LHCGR: variants seen among roughly 807,000 people sequenced by gnomAD.
LHCGR encodes the protein luteinizing hormone/choriogonadotropin receptor, also known as lutropin-choriogonadotropic hormone receptor.
Under a neutral mutation model 60.7 loss-of-function variants are expected in LHCGR, and 55 were observed. The observed-to-expected ratio is 0.91, with a 90% CI of 0.73 to 1.13. The LOEUF (loss-of-function observed/expected upper bound fraction) is 1.13, where lower values mean the gene tolerates loss of function less well. LHCGR is among the 50% of genes most tolerant of loss of function. The probability of loss-of-function intolerance (pLI) is 0.00; values close to 1 mark genes in which losing one functional copy is unlikely to be tolerated. For synonymous variants in LHCGR, 337 were observed against 316.5 expected (o/e 1.06, Z -0.69); for missense variants, 862 against 836.0 (o/e 1.03, Z -0.38).
At chr2:48,731,355 A>T (rs1668976103) in intron 1 of LHCGR, 57 bp from the exon 2 acceptor site, 2 of 1,234,886 alleles carry the variant, frequency 1.6e-6, no homozygotes, top group Non-Finnish European at 2.4e-6. Flanking sequence ...GTGCCTTTTA[A>T]GTTCATGAAT....
chr2:48,735,131 C>A (rs1401005337), intron 1 of LHCGR, among the ~76,000 whole-genome samples: 2 of 152,230 alleles, frequency 1.3e-5, no homozygotes, highest in African/African-American at 2.4e-5. Flanking sequence ...ATTACAAAGT[C>A]TGCGTTAGCT....
At chr2:48,703,449 A>C (rs191640673) in intron 8 of LHCGR, among the ~76,000 whole-genome samples, 175 of 152,266 alleles carry the variant, frequency 1.1e-3, no homozygotes, top group African/African-American at 4.0e-3. Flanking sequence ...TAATTTTTGT[A>C]TAAGGGTTTA....
In LHCGR at chr2:48,755,504, T is replaced by C; in HGVS notation, c.161+7A>G. ...AGGGCGCCGCGACGGGAGCGCTGTG[T>C]ACTCACAGTCGAGTGAGACCGGCCG... is the stretch of plus-strand genomic sequence containing the variant. On this transcript the variant is annotated splice_region_variant and intron_variant, in intron 1 of 10. Transcript: ENST00000294954. 6.6e-7 allele frequency: 1 copy of C among 1,526,420 alleles called. No individual in the cohort carries two copies. Among genetic ancestry groups the C allele is most frequent in the Non-Finnish European group, 8.8e-7 (1 of 1,130,038 alleles). The allele number at this position is 1,526,420 out of a possible 1,614,324, so 94.6% of individuals were successfully genotyped here.
chr2:48,732,612 AC>A (rs1369613185), intron 1 of LHCGR, among the ~76,000 whole-genome samples: 2 of 152,156 alleles, frequency 1.3e-5, no homozygotes, highest in Non-Finnish European at 2.9e-5. Flanking sequence ...ATGACTCCAG[AC>A]ATCCTTTCCC....
chr2:48,737,968 T>C (rs1309051504), intron 1 of LHCGR, among the ~76,000 whole-genome samples: 1 of 152,218 alleles, frequency 6.6e-6, no homozygotes, highest in African/African-American at 2.4e-5. Context: ...GTTTCTTCCT[T>C]CCTGGCTTGG....
chr2:48,688,680 C>A lies in LHCGR; in HGVS notation c.1117G>T (p.Ala373Ser). The A allele has an allele frequency of 6.2e-7, 1 of 1,614,108 alleles. No homozygotes were observed. Among genetic ancestry groups the A allele is most frequent in the Non-Finnish European group, 8.5e-7 (1 of 1,180,024 alleles). The change falls in exon 11 of 11, where the codon GCC becomes TCC. Residue 373 changes from alanine (A) to serine (S), a missense_variant. Physicochemically the swap from Ala to Ser is moderately conservative, Grantham distance 99. Transcript: ENST00000294954. This position sits in a 1 kb window ranked among gnomAD's most constrained non-coding sequence, Gnocchi z 5.2. The stretch of plus-strand genomic sequence containing the variant: ...AGAACAGTCATGTTTCCCATGATGG[C>A]TAGAATATTAATCAGCCAAATCAGG... The part of the protein sequence containing the change: ...RVLIWLINIL[A>S]IMGNMTVLFV...
intron 1 of LHCGR, among the ~76,000 whole-genome samples, chr2:48,746,578 C>T (rs569777138): frequency 6.6e-6 from 1 of 152,204 alleles, no homozygotes; most frequent in African/African-American, 2.4e-5. Flanking sequence ...CATTCCGCAG[C>T]ACCCAAGATG....
At position 48,723,653 on chromosome 2, in the gene LHCGR, T is replaced by C; in HGVS notation, c.427A>G (p.Lys143Glu). Reference sequence around the variant, plus strand: ...AAATTTGATTCAGAGGAGAAGACCTTCGTAACATCTGGAAACTTTCTGATG... The same window carrying C: ...AAATTTGATTCAGAGGAGAAGACCTCCGTAACATCTGGAAACTTTCTGATG... ...TGIRKFPDVT[K>E]VFSSESNFIL... Residue 143 changes from lysine to glutamate, a missense_variant, in exon 5 of 11, where the codon AAG becomes GAG. By Grantham distance (56) the Lys-to-Glu change is moderately conservative. Transcript: ENST00000294954. The C allele has an allele frequency of 1.9e-6, 3 of 1,614,010 alleles. No homozygotes were observed. Among genetic ancestry groups the C allele is most frequent in the Non-Finnish European group, 2.5e-6 (3 of 1,179,878 alleles).
At chr2:48,725,592 A>G in intron 4 of LHCGR, 84 bp downstream of exon 4, 1 of 988,242 alleles carries the variant, frequency 1.0e-6, no homozygotes, top group Admixed American at 1.7e-5. Flanking sequence ...GTTAAACAAA[A>G]TCTTTCCAAC....
At chr2:48,749,475 G>A (rs1669856638) in intron 1 of LHCGR, among the ~76,000 whole-genome samples, 1 of 152,228 alleles carries the variant, frequency 6.6e-6, no homozygotes, top group Non-Finnish European at 1.5e-5. Context: ...GAAGTGAGCA[G>A]CAGGGCTTCT....
At chr2:48,700,585 C>T (rs1374455771) in intron 8 of LHCGR, among the ~76,000 whole-genome samples, 1 of 152,288 alleles carries the variant, frequency 6.6e-6, no homozygotes, top group East Asian at 1.9e-4. Flanking sequence ...TGCACCTGAG[C>T]CAGAGGCAGC....
chr2:48,743,687 C>T (rs1212345411), intron 1 of LHCGR, among the ~76,000 whole-genome samples: 37 of 149,106 alleles, frequency 2.5e-4, no homozygotes, highest in African/African-American at 8.7e-4. Flanking sequence ...ATTGATGGGA[C>T]GTATCTCAAA....
intron 7 of LHCGR, among the ~76,000 whole-genome samples, chr2:48,710,473 A>T (rs1667924464): frequency 6.6e-6 from 1 of 152,198 alleles, no homozygotes; most frequent in East Asian, 1.9e-4. Context: ...TAAAACTCAG[A>T]TCTTTCTGTA....
In LHCGR at chr2:48,688,311, G is replaced by C. The variant is rs754941279; in HGVS notation, c.1486C>G (p.Leu496Val). The change falls in exon 11 of 11, where the codon CTA becomes GTA. Residue 496 changes from leucine to valine, a missense_variant. Coordinates refer to ENST00000294954, the MANE Select transcript of LHCGR (RefSeq NM_000233.4). This position sits in a 1 kb window ranked among gnomAD's most constrained non-coding sequence, Gnocchi z 5.2. ...IMLGGWLFSS[L>V]IAMLPLVGVS... ...CCGACAAGGGGCAACATAGCAATTAGAGAAGAAAAGAGCCATCCTCCAAGC... is the reference window on the plus strand; with the variant it reads ...CCGACAAGGGGCAACATAGCAATTACAGAAGAAAAGAGCCATCCTCCAAGC... The C allele has an allele frequency of 2.5e-6, 4 of 1,614,138 alleles. No homozygotes were observed. The highest frequency in any genetic ancestry group is 3.4e-6 in the Non-Finnish European group (4 of 1,180,026).
chr2:48,729,318 C>T (rs113559634), intron 2 of LHCGR, 91 bp from the exon 3 acceptor site: 3 of 945,168 alleles, frequency 3.2e-6, no homozygotes, highest in Middle Eastern at 2.1e-4. Context: ...GACCCAACAA[C>T]TGGGGACACC....
At chr2:48,729,374 A>C in intron 2 of LHCGR, 147 bp from the exon 3 acceptor site, 1 of 700,540 alleles carries the variant, frequency 1.4e-6, no homozygotes, top group Non-Finnish European at 2.6e-6. Context: ...TTGTCCCCAA[A>C]TCATACAGTG....
chr2:48,751,421 G>A (rs1357694900), intron 1 of LHCGR, among the ~76,000 whole-genome samples: 1 of 152,162 alleles, frequency 6.6e-6, no homozygotes, highest in Non-Finnish European at 1.5e-5. Context: ...TCTTCCACCA[G>A]GACCCCTCTT....
At chr2:48,702,066 G>T (rs1021695677) in intron 8 of LHCGR, among the ~76,000 whole-genome samples, 9 of 151,848 alleles carry the variant, frequency 5.9e-5, no homozygotes, top group African/African-American at 2.2e-4. Context: ...CTAGAGTAGG[G>T]TGTCGTGGAC....
intron 1 of LHCGR, among the ~76,000 whole-genome samples, chr2:48,753,824 G>A (rs374696193): frequency 2.4e-4 from 36 of 152,126 alleles, no homozygotes; most frequent in African/African-American, 8.7e-4. Flanking sequence ...GTGTGTGTGT[G>A]TGTGTTTTAT....
Sources: allele counts gnomAD v4.1 joint callset (sites outside exome capture counted in the v4.1 genomes callset), GRCh38; gene constraint gnomAD v4.1.1; non-coding constraint Gnocchi (gnomAD v3.1); transcripts MANE v1.5; gene names NCBI Gene and HGNC (gene_info 2026-07-23, HGNC 2026-07-21).